POU2AF2: variants seen among roughly 807,000 people sequenced by gnomAD.
POU2AF2 encodes POU class 2 homeobox associating factor 2, also known as POU domain class 2-associating factor 2.
the POU2AF2 span, among the ~76,000 whole-genome samples, chr11:111,275,060 A>C: frequency 6.6e-6 from 1 of 152,258 alleles, no homozygotes; most frequent in Non-Finnish European, 1.5e-5. Context: ...AATTACTATA[A>C]GTAAGTGCTT....
chr11:111,246,848 A>G, the POU2AF2 span, among the ~76,000 whole-genome samples: 1 of 152,196 alleles, frequency 6.6e-6, no homozygotes, highest in Non-Finnish European at 1.5e-5. Flanking sequence ...CTTATTTAAC[A>G]AAAATCCCTA....
the POU2AF2 span, among the ~76,000 whole-genome samples, chr11:111,264,837 G>A: frequency 7.1e-6 from 1 of 140,136 alleles, no homozygotes; most frequent in Non-Finnish European, 1.5e-5. Context: ...AAGAAAGAGA[G>A]GAAGGAAGGA....
chr11:111,259,654 G>C, the POU2AF2 span, among the ~76,000 whole-genome samples: 2 of 152,132 alleles, frequency 1.3e-5, no homozygotes, highest in Admixed American at 6.5e-5. Context: ...AAGGGGACTA[G>C]AATAGAATAA....
chr11:111,256,698 C>T, the POU2AF2 span, among the ~76,000 whole-genome samples: 9 of 152,188 alleles, frequency 5.9e-5, no homozygotes, highest in Admixed American at 3.3e-4. Context: ...AGCCAGCAGG[C>T]GCGCCAGGAG....
At chr11:111,249,856 C>A in the POU2AF2 span, among the ~76,000 whole-genome samples, 51 of 152,216 alleles carry the variant, frequency 3.4e-4, no homozygotes, top group East Asian at 8.9e-3. Flanking sequence ...TTCTCCAGCC[C>A]CTCTCTTCCC....
At chr11:111,264,368 C>A in the POU2AF2 span, among the ~76,000 whole-genome samples, 1 of 151,758 alleles carries the variant, frequency 6.6e-6, no homozygotes, top group South Asian at 2.1e-4. Context: ...TGGTGGTGTG[C>A]ACCTGTAATC....
At chr11:111,262,549 T>C in the POU2AF2 span, among the ~76,000 whole-genome samples, 5 of 152,360 alleles carry the variant, frequency 3.3e-5, no homozygotes, top group African/African-American at 1.2e-4. Context: ...ATACATGCAA[T>C]TGGAAGCTGC....
chr11:111,260,725 C>T, the POU2AF2 span, among the ~76,000 whole-genome samples: 4 of 152,180 alleles, frequency 2.6e-5, no homozygotes, highest in African/African-American at 7.2e-5. Flanking sequence ...GGACTTCTGG[C>T]CTCCAGAATT....
At chr11:111,283,799 T>G in the POU2AF2 span, among the ~76,000 whole-genome samples, 2 of 152,206 alleles carry the variant, frequency 1.3e-5, no homozygotes, top group African/African-American at 4.8e-5. Flanking sequence ...ACAGCGCCGG[T>G]CACCGGGAAG....
the POU2AF2 span, among the ~76,000 whole-genome samples, chr11:111,270,785 C>T: frequency 6.6e-6 from 1 of 152,172 alleles, no homozygotes; most frequent in Non-Finnish European, 1.5e-5. Context: ...CAGTCCTCAG[C>T]ACCTATGGGA....
the POU2AF2 span, among the ~76,000 whole-genome samples, chr11:111,263,832 C>T: frequency 0.016 from 2,381 of 152,294 alleles, 17 homozygotes; most frequent in Non-Finnish European, 0.022. Context: ...CATTTGCCAA[C>T]TGTGTGGTAA....
chr11:111,276,441 A>AAAAAG, the POU2AF2 span, among the ~76,000 whole-genome samples: 791 of 20,572 alleles, frequency 0.038, 4 homozygotes, highest in Admixed American at 0.071. Flanking sequence ...ACTAAAAAGA[A>AAAAAG]AAAAAAAAAA....
the POU2AF2 span, among the ~76,000 whole-genome samples, chr11:111,270,567 A>C: frequency 2.0e-5 from 3 of 152,188 alleles, no homozygotes. Flanking sequence ...CTCAGTCAAA[A>C]ATTCTTCTTG....
At chr11:111,285,632 T>G in the POU2AF2 span, 1 of 1,598,784 alleles carries the variant, frequency 6.3e-7, no homozygotes, top group Non-Finnish European at 8.5e-7. Context: ...ATAACCTCCG[T>G]GGCCTTTCCA....
the POU2AF2 span, among the ~76,000 whole-genome samples, chr11:111,249,126 C>T: frequency 6.6e-4 from 101 of 152,286 alleles, 1 homozygote; most frequent in Middle Eastern, 6.8e-3. Flanking sequence ...TCCGGAAGCA[C>T]ACGTCTTTGT....
chr11:111,262,713 C>G, the POU2AF2 span, among the ~76,000 whole-genome samples: 1 of 152,200 alleles, frequency 6.6e-6, no homozygotes, highest in African/African-American at 2.4e-5. Flanking sequence ...CTTCTCTGAG[C>G]CTCAGTGTCC....
chr11:111,267,459 C>G, the POU2AF2 span, among the ~76,000 whole-genome samples: 1 of 152,188 alleles, frequency 6.6e-6, no homozygotes, highest in Non-Finnish European at 1.5e-5. Context: ...TCACATGACC[C>G]ATTTCTCTCT....
the POU2AF2 span, among the ~76,000 whole-genome samples, chr11:111,271,617 T>C: frequency 6.6e-6 from 1 of 151,688 alleles, no homozygotes; most frequent in Non-Finnish European, 1.5e-5. Context: ...GAGATGGGGG[T>C]CTCACTGTCT....
the POU2AF2 span, among the ~76,000 whole-genome samples, chr11:111,247,189 C>CAGAG: frequency 0.075 from 2,585 of 34,286 alleles, 40 homozygotes; most frequent in Admixed American, 0.098. Context: ...CATACACACA[C>CAGAG]ACAGAGAGAG....
Sources: gnomAD v4.1 joint callset for allele counts (sites outside exome capture counted in the v4.1 genomes callset) on GRCh38, gnomAD v4.1.1 for gene constraint, MANE v1.5 for transcripts, NCBI Gene and HGNC (gene_info 2026-07-23, HGNC 2026-07-21) for gene names.